SSH2: variants seen among roughly 807,000 people sequenced by gnomAD.
SSH2 encodes the protein protein phosphatase Slingshot homolog 2.
In SSH2, 37 loss-of-function variants were observed where a neutral mutation model predicts 135.2. The ratio of observed to expected loss-of-function variants is 0.27; its 90% CI spans 0.21 to 0.36. The LOEUF (loss-of-function observed/expected upper bound fraction) is 0.36. SSH2 is among the 10% of genes least tolerant of loss of function. The pLI is 1.00. For missense variants in SSH2, 1,408 were observed against 1,765.3 expected, an observed-to-expected ratio of 0.80 and a Z score of 3.63; for synonymous variants, 628 against 646.2, an observed-to-expected ratio of 0.97 and a Z score of 0.43.
chr17:29,728,488 G>T (rs2151182159), intron 3 of SSH2, among the ~76,000 whole-genome samples: 1 of 152,214 alleles, frequency 6.6e-6, no homozygotes, highest in South Asian at 2.1e-4. Context: ...ACAATCTAAA[G>T]ATTCAATGCA....
At chr17:29,668,918 C>A (rs1243534940) in intron 9 of SSH2, among the ~76,000 whole-genome samples, 1 of 151,982 alleles carries the variant, frequency 6.6e-6, no homozygotes, top group Admixed American at 6.6e-5. Context: ...TAACAAGTTC[C>A]TTCTCTTCCC....
chr17:29,696,220 C>T (rs1014834203), intron 4 of SSH2, among the ~76,000 whole-genome samples: 1 of 133,836 alleles, frequency 7.5e-6, no homozygotes, highest in Non-Finnish European at 1.6e-5. Flanking sequence ...TATGTATATA[C>T]GTATACATAT....
At chr17:29,739,480 T>C (rs943926189) in intron 3 of SSH2, among the ~76,000 whole-genome samples, 1 of 152,188 alleles carries the variant, frequency 6.6e-6, no homozygotes, top group Non-Finnish European at 1.5e-5. Context: ...CTCTCAATGA[T>C]TCTATATATA....
At chr17:29,777,792 A>AG (rs1491168959) in intron 3 of SSH2, 1 of 88,780 alleles carries the variant, frequency 1.1e-5, no homozygotes, top group East Asian at 2.5e-4. Flanking sequence ...TCCCCAAACT[A>AG]GAAAAAAAAA....
chr17:29,655,649 C>T, intron 11 of SSH2, 42 bp from the exon 12 acceptor site: 1 of 1,558,974 alleles, frequency 6.4e-7, no homozygotes, highest in Non-Finnish European at 8.9e-7. Context: ...ATTAGCAAAT[C>T]AACCAAACAA....
chr17:29,787,431 G>A (rs534045072), intron 3 of SSH2: 2 of 152,292 alleles, frequency 1.3e-5, no homozygotes, highest in South Asian at 4.1e-4. Flanking sequence ...ATGTTGCTAT[G>A]AACACGGGTG....
intron 2 of SSH2, among the ~76,000 whole-genome samples, chr17:29,837,896 G>T (rs1195122788): frequency 1.3e-5 from 2 of 152,214 alleles, no homozygotes; most frequent in Non-Finnish European, 2.9e-5. Flanking sequence ...AAGCTGGCAG[G>T]GTGGGAGCTC....
intron 2 of SSH2, among the ~76,000 whole-genome samples, chr17:29,805,200 G>C (rs2151318705): frequency 6.6e-6 from 1 of 151,828 alleles, no homozygotes; most frequent in South Asian, 2.1e-4. Context: ...CTGTTGCCCA[G>C]GCTGGAGAGC....
intron 2 of SSH2, among the ~76,000 whole-genome samples, chr17:29,807,502 T>C (rs2042366289): frequency 6.6e-6 from 1 of 152,200 alleles, no homozygotes; most frequent in African/African-American, 2.4e-5. Flanking sequence ...AACAGTACCA[T>C]ACTCAAGGAG....
At chr17:29,679,056 T>A (rs1023869667) in intron 6 of SSH2, among the ~76,000 whole-genome samples, 4 of 152,086 alleles carry the variant, frequency 2.6e-5, no homozygotes, top group African/African-American at 9.7e-5. Flanking sequence ...AGGAAGGGCT[T>A]TAAGTTAATG....
intron 3 of SSH2, among the ~76,000 whole-genome samples, chr17:29,709,176 A>AGACTGAG (rs1268161976): frequency 3.9e-5 from 6 of 152,026 alleles, no homozygotes; most frequent in Non-Finnish European, 7.4e-5. Flanking sequence ...TACATGTAAG[A>AGACTGAG]GACTGAGGGC....
intron 9 of SSH2, among the ~76,000 whole-genome samples, chr17:29,671,205 G>A (rs774856825): frequency 1.3e-5 from 2 of 152,010 alleles, no homozygotes; most frequent in Non-Finnish European, 2.9e-5. Flanking sequence ...TAGCAGGCTG[G>A]GCGTAGTGGC....
Position 29,832,225 on chromosome 17 carries a change from C to G in SSH2, c.144+16624G>C, listed in dbSNP as rs542524306. Among the ~76,000 whole-genome samples the G allele has an allele frequency of 5.9e-5, 9 of 152,244 alleles. No individual in the cohort carries two copies. In the South Asian group the frequency reaches 1.9e-3, roughly 32 times the overall value. On this transcript the variant is annotated intron_variant, in intron 2 of 15. Transcript: ENST00000540801. ...GTGGTGCTATCACAGCTCATTGCAG[C>G]CTTGAATTCCTGGACTCAAGGGATC...
At chr17:29,923,301 T>C (rs1452547261) in intron 1 of SSH2, among the ~76,000 whole-genome samples, 2 of 152,112 alleles carry the variant, frequency 1.3e-5, no homozygotes, top group East Asian at 1.9e-4. Flanking sequence ...TAGCCAATGA[T>C]GTTCATTGTA....
intron 2 of SSH2, among the ~76,000 whole-genome samples, chr17:29,824,339 A>C (rs2042706567): frequency 6.6e-6 from 1 of 152,176 alleles, no homozygotes; most frequent in African/African-American, 2.4e-5. Context: ...CATTGCTCTC[A>C]GGCTAATATG....
At chr17:29,889,254 C>G (rs1205460979) in intron 1 of SSH2, among the ~76,000 whole-genome samples, 1 of 151,992 alleles carries the variant, frequency 6.6e-6, no homozygotes, top group Non-Finnish European at 1.5e-5. Flanking sequence ...TGAAACCAGC[C>G]TGGCCAACAT....
intron 3 of SSH2, among the ~76,000 whole-genome samples, chr17:29,760,062 C>T (rs185789371): frequency 3.6e-4 from 54 of 151,832 alleles, no homozygotes; most frequent in Admixed American, 3.0e-3. Context: ...AATCAACACA[C>T]GGGAGAAAAA....
chr17:29,632,179 T>C lies in SSH2; in HGVS notation c.3015A>G (p.Thr1005=). The C allele has an allele frequency of 1.9e-6, 3 of 1,614,082 alleles. No individual in the cohort carries two copies. Among genetic ancestry groups the C allele is most frequent in the Non-Finnish European group, 2.5e-6 (3 of 1,179,986 alleles). The change falls in exon 16 of 16, where the codon ACA becomes ACG. Residue 1005 remains threonine (T), a synonymous_variant. Coordinates refer to ENST00000540801, the MANE Select transcript of SSH2 (RefSeq NM_001282129.2). The part of the protein sequence containing the change: ...PQEGPGSDTG[T]QQEGVLKDLR... ...GATCCTTCAGGACTCCTTCCTGCTG[T>C]GTTCCAGTATCTGACCCTGGGCCCT...
intron 1 of SSH2, among the ~76,000 whole-genome samples, chr17:29,897,614 C>A (rs535211325): frequency 6.6e-6 from 1 of 151,994 alleles, no homozygotes. Context: ...ACAGGAGCAC[C>A]CAGATTCATA....
Sources: allele counts gnomAD v4.1 joint callset (sites outside exome capture counted in the v4.1 genomes callset), GRCh38; gene constraint gnomAD v4.1.1; transcripts MANE v1.5; gene names NCBI Gene and HGNC (gene_info 2026-07-23, HGNC 2026-07-21).